Variants in TMEM132D observed in about 807,000 individuals in gnomAD.
The protein encoded by TMEM132D is transmembrane protein 132D.
A neutral mutation model predicts 62.3 loss-of-function variants in TMEM132D; 21 were observed. The observed-to-expected ratio is 0.34, with a 90% CI of 0.24 to 0.49. The LOEUF (loss-of-function observed/expected upper bound fraction) is 0.49. TMEM132D is among the 20% of genes least tolerant of loss of function. TMEM132D has a pLI of 0.99. For synonymous variants in TMEM132D, 621 were observed against 575.6 expected (o/e 1.08, Z -1.13); for missense variants, 1,346 against 1,402.8 (o/e 0.96, Z 0.65).
intron 2 of TMEM132D, among the ~76,000 whole-genome samples, chr12:129,632,017 T>C (rs1409996407): frequency 6.6e-6 from 1 of 152,152 alleles, no homozygotes; most frequent in Non-Finnish European, 1.5e-5. Flanking sequence ...AGGAAGACGT[T>C]CACTGCAGCA....
chr12:129,086,201 CGTGTGT>C (rs1218792744), intron 5 of TMEM132D, among the ~76,000 whole-genome samples: 1 of 141,038 alleles, frequency 7.1e-6, no homozygotes, highest in Non-Finnish European at 1.5e-5. Flanking sequence ...CACGCGCGCG[CGTGTGT>C]GTGTGTGTGT....
intron 2 of TMEM132D, among the ~76,000 whole-genome samples, chr12:129,696,364 G>T (rs1421199833): frequency 6.6e-6 from 1 of 152,190 alleles, no homozygotes; most frequent in East Asian, 1.9e-4. Flanking sequence ...AAACTGCAGA[G>T]ACCTCAGCAA....
At chr12:129,274,074 G>A (rs116793296) in intron 4 of TMEM132D, among the ~76,000 whole-genome samples, 1 of 151,554 alleles carries the variant, frequency 6.6e-6, no homozygotes, top group East Asian at 1.9e-4. Context: ...TTTCCTAGTT[G>A]TAGAAAAAAA....
intron 2 of TMEM132D, among the ~76,000 whole-genome samples, chr12:129,662,812 A>AAAAGAGAGAG (rs1555224287): frequency 2.4e-5 from 2 of 83,396 alleles, no homozygotes; most frequent in African/African-American, 1.0e-4. Context: ...AAAAAAAAAA[A>AAAAGAGAGAG]AGAGAGAGAG....
intron 5 of TMEM132D, among the ~76,000 whole-genome samples, chr12:129,142,734 C>G (rs1025922751): frequency 6.6e-5 from 10 of 152,036 alleles, no homozygotes; most frequent in African/African-American, 2.4e-4. Flanking sequence ...TTTTCAAAAC[C>G]AATGATGTCA....
chr12:129,526,516 C>T (rs1340054023), intron 3 of TMEM132D, among the ~76,000 whole-genome samples: 1 of 152,178 alleles, frequency 6.6e-6, no homozygotes, highest in Non-Finnish European at 1.5e-5. Context: ...AACTCCTGAC[C>T]TCGTCATCCA....
chr12:129,261,036 G>A (rs546648799), intron 4 of TMEM132D, among the ~76,000 whole-genome samples: 1 of 152,324 alleles, frequency 6.6e-6, no homozygotes, highest in Admixed American at 6.5e-5. Context: ...CCAAGAGTGG[G>A]ATTGCTGGAT....
chr12:129,754,353 A>T (rs12425625), intron 1 of TMEM132D, among the ~76,000 whole-genome samples: 3,474 of 152,314 alleles, frequency 0.023, 206 homozygotes, highest in East Asian at 0.14. Context: ...ACAATCAGAG[A>T]GTTGACATGT....
At chr12:129,781,746 C>G (rs746114316) in intron 1 of TMEM132D, among the ~76,000 whole-genome samples, 8 of 152,194 alleles carry the variant, frequency 5.3e-5, no homozygotes, top group Non-Finnish European at 1.0e-4. Context: ...ATCACATTGG[C>G]AACAGCTTCA....
intron 1 of TMEM132D, among the ~76,000 whole-genome samples, chr12:129,891,715 T>C (rs1377752110): frequency 6.6e-6 from 1 of 152,248 alleles, no homozygotes; most frequent in Non-Finnish European, 1.5e-5. Flanking sequence ...GTATAAATTA[T>C]GTAATTGTCC....
At chr12:129,363,148 A>G (rs1418467500) in intron 3 of TMEM132D, among the ~76,000 whole-genome samples, 1 of 152,238 alleles carries the variant, frequency 6.6e-6, no homozygotes, top group Non-Finnish European at 1.5e-5. Flanking sequence ...GGTCAAAAGA[A>G]GGCAGCTTTG....
At chr12:129,872,770 C>A (rs183294673) in intron 1 of TMEM132D, among the ~76,000 whole-genome samples, 105 of 152,230 alleles carry the variant, frequency 6.9e-4, no homozygotes, top group Non-Finnish European at 7.4e-4. Flanking sequence ...GGATGTTGAC[C>A]GTCCATGCGT....
intron 5 of TMEM132D, chr12:129,208,812 G>T (rs1272884467): frequency 1.3e-5 from 2 of 152,256 alleles, no homozygotes; most frequent in Non-Finnish European, 2.9e-5. Context: ...CTGCAGGCTG[G>T]AAGTGTGCTA....
chr12:129,775,639 A>C (rs557611553), intron 1 of TMEM132D, among the ~76,000 whole-genome samples: 1 of 152,346 alleles, frequency 6.6e-6, no homozygotes, highest in East Asian at 1.9e-4. Context: ...AAACAGAAAA[A>C]TGCAGGAGAA....
At chr12:129,822,600 G>A (rs1209061253) in intron 1 of TMEM132D, among the ~76,000 whole-genome samples, 8 of 152,174 alleles carry the variant, frequency 5.3e-5, no homozygotes, top group South Asian at 2.1e-4. Context: ...AGAAATACCC[G>A]AGACTGGATA....
chr12:129,422,576 G>A (rs943867094), intron 3 of TMEM132D, among the ~76,000 whole-genome samples: 9 of 152,122 alleles, frequency 5.9e-5, no homozygotes, highest in Admixed American at 3.3e-4. Context: ...TTAGTGTCTT[G>A]CCAACAATGT....
chr12:129,270,987 C>T (rs1370078995), intron 4 of TMEM132D, among the ~76,000 whole-genome samples: 3 of 152,192 alleles, frequency 2.0e-5, no homozygotes, highest in Admixed American at 2.0e-4. Context: ...TGTGGTTGCA[C>T]CCTGTGACGG....
chr12:129,183,376 T>C (rs1224112021), intron 5 of TMEM132D, among the ~76,000 whole-genome samples: 7 of 152,214 alleles, frequency 4.6e-5, no homozygotes, highest in African/African-American at 1.7e-4. Context: ...CTTCTGCCTA[T>C]GGTCAAAGCT....
At chr12:129,206,434 T>A (rs1878849855) in intron 5 of TMEM132D, among the ~76,000 whole-genome samples, 1 of 152,174 alleles carries the variant, frequency 6.6e-6, no homozygotes, top group Admixed American at 6.5e-5. Context: ...TGGCCTATTA[T>A]TAGAAAGTCA....
Sources: gnomAD v4.1 joint callset for allele counts (sites outside exome capture counted in the v4.1 genomes callset) on GRCh38, gnomAD v4.1.1 for gene constraint, MANE v1.5 for transcripts, NCBI Gene and HGNC (gene_info 2026-07-23, HGNC 2026-07-21) for gene names.